TMEM185A: variants seen among roughly 807,000 people sequenced by gnomAD.
TMEM185A encodes transmembrane protein 185A.
TMEM185A carries 9 observed loss-of-function variants against 25.0 expected under a neutral mutation model. The ratio of observed to expected loss-of-function variants is 0.36; its 90% CI spans 0.22 to 0.63. The LOEUF (loss-of-function observed/expected upper bound fraction) is 0.63, where lower values mean the gene tolerates loss of function less well. Among genes scored for constraint, TMEM185A ranks in the 20% least tolerant of loss-of-function variants. The probability of loss-of-function intolerance (pLI) is 0.68; values close to 1 mark genes in which losing one functional copy is unlikely to be tolerated. For synonymous variants in TMEM185A, 45 were observed against 93.5 expected, an observed-to-expected ratio of 0.48 and a Z score of 2.99; for missense variants, 103 against 237.4, an observed-to-expected ratio of 0.43 and a Z score of 3.72.
At chrX:149,629,192 C>A (rs1557356350) in intron 1 of TMEM185A, among the ~76,000 whole-genome samples, 1 of 111,494 alleles carries the variant, frequency 9.0e-6, no homozygotes, top group East Asian at 2.8e-4. Context: ...TAGGAGTTCA[C>A]TAGGTCTGGA....
At chrX:149,617,471 T>G in intron 1 of TMEM185A, among the ~76,000 whole-genome samples, 1 of 110,741 alleles carries the variant, frequency 9.0e-6, no homozygotes, top group African/African-American at 3.3e-5. Context: ...AAAAAGCAAA[T>G]AAGCACACAA....
intron 1 of TMEM185A, among the ~76,000 whole-genome samples, chrX:149,622,845 A>T (rs1557355628): frequency 8.9e-6 from 1 of 112,157 alleles, no homozygotes; most frequent in Non-Finnish European, 1.9e-5. Context: ...GGAATTCCAG[A>T]CAAAGGGAAT....
intron 1 of TMEM185A, among the ~76,000 whole-genome samples, chrX:149,615,561 A>C (rs1481490719): frequency 8.9e-6 from 1 of 111,914 alleles, no homozygotes; most frequent in Admixed American, 9.5e-5. Flanking sequence ...ATCCTAAGTA[A>C]TCTAAAAAAA....
chrX:149,631,383 G>A, intron 1 of TMEM185A, 160 bp downstream of exon 1: 1 of 312,886 alleles, frequency 3.2e-6, no homozygotes, highest in South Asian at 1.6e-4. Flanking sequence ...GAGGCCGACT[G>A]TTTTGCCTGG....
intron 3 of TMEM185A, chrX:149,606,692 CCCATCTCTGTATGAG>C (rs1344404615): frequency 8.9e-6 from 1 of 112,696 alleles, no homozygotes; most frequent in Non-Finnish European, 1.9e-5. Flanking sequence ...ACTCCTCCTT[CCCATCTCTGTATGAG>C]CCTACTCCAG....
chrX:149,617,912 T>C (rs1748489883), intron 1 of TMEM185A, among the ~76,000 whole-genome samples: 1 of 111,938 alleles, frequency 8.9e-6, no homozygotes, highest in African/African-American at 3.2e-5. Context: ...AGTAAAATAA[T>C]TCAGATGGAA....
At chrX:149,619,251 G>A (rs184660481) in intron 1 of TMEM185A, among the ~76,000 whole-genome samples, 1 of 111,534 alleles carries the variant, frequency 9.0e-6, no homozygotes, top group East Asian at 2.8e-4. Flanking sequence ...ATATACAATA[G>A]CAAAAAAAAT....
intron 3 of TMEM185A, among the ~76,000 whole-genome samples, chrX:149,606,479 G>A (rs781858768): frequency 3.5e-5 from 4 of 112,734 alleles, no homozygotes; most frequent in Admixed American, 9.3e-5. Flanking sequence ...CTGAGGACGT[G>A]GCCCCTATTT....
At chrX:149,615,660 C>T (rs1404034039) in intron 1 of TMEM185A, among the ~76,000 whole-genome samples, 1 of 111,244 alleles carries the variant, frequency 9.0e-6, no homozygotes, top group Non-Finnish European at 1.9e-5. Context: ...TAGTAGCTAT[C>T]ACAAATTGGA....
chrX:149,606,576 G>A (rs1304423338), intron 3 of TMEM185A, among the ~76,000 whole-genome samples: 4 of 111,825 alleles, frequency 3.6e-5, no homozygotes, highest in Admixed American at 9.4e-5. Context: ...GATCTGAATC[G>A]CCACAGTCCA....
At chrX:149,603,880 T>C in intron 4 of TMEM185A, 107 bp downstream of exon 4, 1 of 616,428 alleles carries the variant, frequency 1.6e-6, no homozygotes. Flanking sequence ...GGGTGACTAT[T>C]AGGCTATTAC....
intron 1 of TMEM185A, among the ~76,000 whole-genome samples, chrX:149,619,730 T>C (rs1333392625): frequency 2.0e-4 from 21 of 104,867 alleles, no homozygotes; most frequent in East Asian, 3.2e-4. Flanking sequence ...TCAATTCCCA[T>C]CTATGAGTGA....
At chrX:149,610,607 C>A (rs2090078026) in intron 2 of TMEM185A, among the ~76,000 whole-genome samples, 1 of 110,365 alleles carries the variant, frequency 9.1e-6, no homozygotes, top group African/African-American at 3.3e-5. Context: ...GTCTCTGTGG[C>A]AGAGAAGGGA....
intron 1 of TMEM185A, among the ~76,000 whole-genome samples, chrX:149,622,544 T>G (rs966259989): frequency 3.6e-5 from 4 of 112,385 alleles, no homozygotes; most frequent in African/African-American, 1.3e-4. Flanking sequence ...AAAACATACT[T>G]GCTTTACATA....
chrX:149,626,561 A>G (rs1261093077), intron 1 of TMEM185A, among the ~76,000 whole-genome samples: 1 of 112,085 alleles, frequency 8.9e-6, no homozygotes, highest in African/African-American at 3.3e-5. Context: ...ATTTCTCGTC[A>G]GGTGGGACGA....
At chrX:149,622,267 C>T (rs2090142953) in intron 1 of TMEM185A, among the ~76,000 whole-genome samples, 1 of 112,135 alleles carries the variant, frequency 8.9e-6, no homozygotes, top group African/African-American at 3.2e-5. Flanking sequence ...ACCTAAATAA[C>T]AAAAACCTAA....
At chrX:149,601,700 C>T (rs1215358781) in intron 4 of TMEM185A, 5 of 87,585 alleles carry the variant, frequency 5.7e-5, no homozygotes, top group Admixed American at 4.7e-4. Context: ...CAAACAAGGC[C>T]GCTATCCAAA....
Position 149,631,585 on chromosome X carries a change from G to A in TMEM185A, c.-5C>T, listed in dbSNP as rs1429385966. The A allele has an allele frequency of 8.6e-7, 1 of 1,166,384 alleles. No homozygotes were observed. The highest frequency in any genetic ancestry group is 1.1e-6 in the Non-Finnish European group (1 of 872,384). On this transcript the variant is annotated 5_prime_UTR_variant, in exon 1 of 7. Coordinates refer to ENST00000600449, the MANE Select transcript of TMEM185A (RefSeq NM_032508.4). ...GAAGAGGCCCCTCAGGTTCATGGCG[G>A]AGAACTTCACCGCGGCGTCCTCCTC...
intron 1 of TMEM185A, among the ~76,000 whole-genome samples, chrX:149,622,333 G>T (rs1218458015): frequency 2.7e-5 from 3 of 111,916 alleles, no homozygotes; most frequent in African/African-American, 9.8e-5. Flanking sequence ...AGGATACACA[G>T]AAATATTTTA....
Sources: allele counts gnomAD v4.1 joint callset (sites outside exome capture counted in the v4.1 genomes callset), GRCh38; gene constraint gnomAD v4.1.1; transcripts MANE v1.5; gene names NCBI Gene and HGNC (gene_info 2026-07-23, HGNC 2026-07-21).